ATM: variants seen among roughly 807,000 people sequenced by gnomAD.
ATM encodes serine-protein kinase ATM.
In ATM, 308 loss-of-function variants were observed where a neutral mutation model predicts 387.0. The ratio of observed to expected loss-of-function variants is 0.80; its 90% CI spans 0.73 to 0.87. The LOEUF is 0.87. Among genes scored for constraint, ATM ranks in the 40% least tolerant of loss-of-function variants. The pLI, the probability that ATM is intolerant of heterozygous loss-of-function variation, is 0.00. For synonymous variants in ATM, 1,156 were observed against 1,187.3 expected, an observed-to-expected ratio of 0.97 and a Z score of 0.54; for missense variants, 3,312 against 3,560.9, an observed-to-expected ratio of 0.93 and a Z score of 1.78.
chr11:108,272,601 G>T lies in ATM; in HGVS notation c.3147G>T (p.Leu1049Phe), dbSNP rs1060501686. The T allele has an allele frequency of 6.2e-7, 1 of 1,613,526 alleles. No individual in the cohort carries two copies. Among genetic ancestry groups the T allele is most frequent in the African/African-American group, 1.3e-5 (1 of 74,872 alleles). Residue 1049 changes from leucine (L) to phenylalanine (F), a missense_variant, in exon 21 of 63, where the codon TTG (leucine) becomes TTT (phenylalanine). Physicochemically the swap from Leu to Phe is conservative, Grantham distance 22. Transcript: ENST00000675843. ...CCCTAGTAAATTGCCTTAAAACTTT[G>T]CTTGAGGTGAGTTTTTGCATTTTTT... ...RMALVNCLKT[L>F]LEADPYSKWA... is the part of the protein sequence containing the mutation.
In ATM at chr11:108,243,989, CTTCACA is replaced by C; in HGVS notation, c.534_539del (p.Ser179_Gln180del). The C allele has an allele frequency of 6.2e-7, 1 of 1,607,336 alleles. No individual in the cohort carries two copies. Among genetic ancestry groups the C allele is most frequent in the Non-Finnish European group, 8.5e-7 (1 of 1,176,780 alleles). ...GTGTACTTCAGGCTCTATCTGAAAC[CTTCACA>C]AGATGTTCATAGAGTTTTAGTGGCT... On this transcript the variant is annotated inframe_deletion, in exon 6 of 63. Transcript: ENST00000675843.
chr11:108,248,861 C>T (rs1324440556), intron 8 of ATM, 72 bp from the exon 9 acceptor site: 1 of 1,353,446 alleles, frequency 7.4e-7, no homozygotes, highest in East Asian at 2.5e-5. Flanking sequence ...CCACTCCAAC[C>T]TGGGCAACAA....
At chr11:108,310,131 G>A (rs992763001) in intron 38 of ATM, 29 bp from the exon 39 acceptor site, 4 of 1,599,874 alleles carry the variant, frequency 2.5e-6, no homozygotes, top group African/African-American at 2.7e-5. Flanking sequence ...TTAAAAAAGT[G>A]AATGACATTA....
intron 53 of ATM, 76 bp downstream of exon 53, chr11:108,332,976 T>G (rs2086445172): frequency 6.6e-7 from 1 of 1,526,636 alleles, no homozygotes; most frequent in Non-Finnish European, 8.9e-7. Context: ...TTATAGAGCC[T>G]AATAAGTAAA....
At chr11:108,350,756 G>C (rs396552) in intron 59 of ATM, among the ~76,000 whole-genome samples, 94,437 of 151,852 alleles carry the variant, frequency 0.62, 29,664 homozygotes, top group Middle Eastern at 0.76. Flanking sequence ...AATGAAAGGA[G>C]AGTGGTCTGG....
At chr11:108,257,665 G>A (rs2135409704) in intron 15 of ATM, 59 bp downstream of exon 15, 1 of 1,540,918 alleles carries the variant, frequency 6.5e-7, no homozygotes, top group Non-Finnish European at 8.9e-7. Context: ...TGTCACCCAG[G>A]CTGGAGTGCA....
At position 108,227,700 on chromosome 11, in the gene ATM, G is replaced by A. The variant is rs1458884973; in HGVS notation, c.72+4G>A. 1 of 1,612,970 alleles carries A rather than the reference G, an allele frequency of 6.2e-7. No homozygotes were observed. Among genetic ancestry groups the A allele is most frequent in the East Asian group, 2.2e-5 (1 of 44,746 alleles). ...TGATAGAGCTACAGAACGAAAGGTA[G>A]TAAATTACTTAAATTCAATTTTTCC... On this transcript the variant is annotated splice_donor_region_variant and intron_variant, in intron 2 of 62. Coordinates refer to ENST00000675843, the MANE Select transcript of ATM (RefSeq NM_000051.4).
intron 36 of ATM, among the ~76,000 whole-genome samples, chr11:108,303,751 C>T (rs756073155): frequency 3.9e-5 from 6 of 152,114 alleles, no homozygotes; most frequent in East Asian, 1.9e-4. Flanking sequence ...AATACTACAC[C>T]GCACTCATAC....
In ATM at chr11:108,301,659, G is replaced by T. The variant is rs373789346; in HGVS notation, c.5189G>T (p.Arg1730Leu). The T allele has an allele frequency of 6.2e-7, 1 of 1,613,486 alleles. No homozygotes were observed. The highest frequency in any genetic ancestry group is 1.1e-5 in the South Asian group (1 of 91,044). ...ATTGTTTTTTTCAGTGTCAAAGTTC[G>T]ATCAGCAGCTGTTACCTGTTTGAAA... ...NTLVEDCVKVRSAAVTCLKNI... is the reference protein window; with the variant it reads ...NTLVEDCVKVLSAAVTCLKNI... Residue 1730 changes from arginine (R) to leucine (L), a missense_variant, in exon 35 of 63, where the codon CGA becomes CTA. Physicochemically the swap from Arg to Leu is moderately radical, Grantham distance 102 (BLOSUM62 -2). Coordinates refer to ENST00000675843, the MANE Select transcript of ATM (RefSeq NM_000051.4).
chr11:108,327,919 C>T (rs189982776), intron 48 of ATM, among the ~76,000 whole-genome samples, 161 bp downstream of exon 48: 202 of 152,188 alleles, frequency 1.3e-3, no homozygotes, highest in African/African-American at 4.6e-3. Context: ...TGGAGTGAAA[C>T]ATTGTTACAA....
intron 4 of ATM, among the ~76,000 whole-genome samples, chr11:108,233,340 C>A (rs1005018274): frequency 2.6e-4 from 40 of 152,060 alleles, no homozygotes; most frequent in East Asian, 1.3e-3. Context: ...GAGGCCAAGG[C>A]AGGCAGATTG....
intron 59 of ATM, among the ~76,000 whole-genome samples, chr11:108,352,873 T>A (rs2089380019): frequency 6.6e-6 from 1 of 152,046 alleles, no homozygotes; most frequent in Non-Finnish European, 1.5e-5. Context: ...AATGACAAAA[T>A]TATAAAAATG....
chr11:108,358,204 G>A (rs2090261796), intron 61 of ATM, among the ~76,000 whole-genome samples: 1 of 151,648 alleles, frequency 6.6e-6, no homozygotes, highest in Non-Finnish European at 1.5e-5. Context: ...AGCGATGGAA[G>A]ATGAAATGAA....
intron 48 of ATM, 134 bp downstream of exon 48, chr11:108,327,892 C>T: frequency 1.3e-6 from 1 of 782,824 alleles, no homozygotes; most frequent in East Asian, 2.8e-5. Context: ...TGTTGTAGCT[C>T]TGTATAGTCT....
intron 40 of ATM, among the ~76,000 whole-genome samples, chr11:108,315,272 C>T (rs1268575168): frequency 2.0e-5 from 3 of 152,106 alleles, no homozygotes; most frequent in Non-Finnish European, 2.9e-5. Context: ...ACAATATGTA[C>T]GATAGTTAAT....
rs2135554164 is a variant in ATM at position 108,271,365 on chromosome 11, G to A, written c.3036G>A (p.Arg1012=). 6.2e-7 allele frequency: 1 copy of A among 1,613,986 alleles called. No homozygotes were observed. The highest frequency in any genetic ancestry group is 8.5e-7 in the Non-Finnish European group (1 of 1,179,974). Residue 1012 remains arginine, a synonymous_variant, in exon 20 of 63, where the codon AGG becomes AGA. Transcript: ENST00000675843. ...GQSNMDSENT[R]DAQGQFLTVI... ...GCAATATGGACTCTGAGAACACAAGGGATGCTCAAGGACAGTTTCTTACAG... is the reference window on the plus strand; with the variant it reads ...GCAATATGGACTCTGAGAACACAAGAGATGCTCAAGGACAGTTTCTTACAG...
intron 61 of ATM, among the ~76,000 whole-genome samples, chr11:108,357,878 C>T (rs200143719): frequency 9.9e-5 from 15 of 151,230 alleles, no homozygotes; most frequent in African/African-American, 3.6e-4. Context: ...AACTCTAAAA[C>T]GCAGAGCACC....
chr11:108,261,670 C>T (rs373832705), intron 16 of ATM, among the ~76,000 whole-genome samples: 4 of 151,342 alleles, frequency 2.6e-5, no homozygotes, highest in East Asian at 1.9e-4. Context: ...AGGCTTCAGA[C>T]GATCAAATTA....
At chr11:108,262,997 A>T (rs2080998333) in intron 16 of ATM, among the ~76,000 whole-genome samples, 1 of 152,162 alleles carries the variant, frequency 6.6e-6, no homozygotes, top group African/African-American at 2.4e-5. Flanking sequence ...GTCCTGAGTG[A>T]CCTACAAACA....
Sources: allele counts gnomAD v4.1 joint callset (sites outside exome capture counted in the v4.1 genomes callset), GRCh38; gene constraint gnomAD v4.1.1; transcripts MANE v1.5; gene names NCBI Gene and HGNC (gene_info 2026-07-23, HGNC 2026-07-21).